The following GTF2H5 variants were observed in gnomAD, a reference collection of about 807,000 sequenced individuals.
GTF2H5 encodes the protein general transcription factor IIH subunit 5, also known as TFB5 ortholog.
A neutral mutation model predicts 7.1 loss-of-function variants in GTF2H5; 5 were observed. The observed-to-expected ratio is 0.71, with a 90% confidence interval of 0.37 to 1.49. GTF2H5 has a LOEUF of 1.49. Ranked by LOEUF, GTF2H5 falls within the 40% of genes most tolerant of loss-of-function variation. The pLI is 0.03. For synonymous variants in GTF2H5, 30 were observed against 31.7 expected (o/e 0.95, Z 0.18); for missense variants, 80 against 83.0 (o/e 0.96, Z 0.14).
rs1031494355 is a variant in GTF2H5, at chr6:158,199,272, A to T, written c.*7115A>T. 1 of 151,924 alleles carries T rather than the reference A, an allele frequency of 6.6e-6. No individual in the cohort carries two copies. Among genetic ancestry groups the T allele is most frequent in the South Asian group, 2.1e-4 (1 of 4,832 alleles). The allele number at this position is 151,924 out of a possible 1,614,324, so 9.4% of individuals were successfully genotyped here. A position where few individuals can be genotyped will look rare whatever the true frequency, so the allele number is the denominator to read the frequency against. On this transcript the variant is annotated 3_prime_UTR_variant, in exon 3 of 3. Transcript: ENST00000607778. ...TACAATAGAAGCCCAATCCCCACCTATACCCAATATATCCATGGGACAAGC... is the reference window on the plus strand; with the variant it reads ...TACAATAGAAGCCCAATCCCCACCTTTACCCAATATATCCATGGGACAAGC...
At chr6:158,185,572 T>C (rs866166816) in intron 2 of GTF2H5, among the ~76,000 whole-genome samples, 1 of 151,480 alleles carries the variant, frequency 6.6e-6, no homozygotes, top group African/African-American at 2.4e-5. Flanking sequence ...TTGAAGCGAT[T>C]GATATTAAAG....
chr6:158,187,082 C>T (rs1562475368), intron 2 of GTF2H5, among the ~76,000 whole-genome samples: 1 of 150,514 alleles, frequency 6.6e-6, no homozygotes, highest in Non-Finnish European at 1.5e-5. Context: ...ACACCCCTCA[C>T]CTCCTGGGTT....
chr6:158,171,552 C>T (rs1244325604), intron 2 of GTF2H5, among the ~76,000 whole-genome samples: 2 of 152,042 alleles, frequency 1.3e-5, no homozygotes, highest in Non-Finnish European at 2.9e-5. Flanking sequence ...TAGGGATGAG[C>T]GGCTGTGTTG....
chr6:158,192,332 C>A lies in GTF2H5; in HGVS notation c.*175C>A. ...AAAAGCCCCTGAACTGATTTTGTTACCATAGAATTTAAAAAAAAAAAAAGC... is the reference window on the plus strand; with the variant it reads ...AAAAGCCCCTGAACTGATTTTGTTAACATAGAATTTAAAAAAAAAAAAAGC... On this transcript the variant is annotated 3_prime_UTR_variant, in exon 3 of 3. Coordinates refer to ENST00000607778, the MANE Select transcript of GTF2H5 (RefSeq NM_207118.3). 5.3e-6 allele frequency: 3 copies of A among 563,436 alleles called. No homozygotes were observed. The highest frequency in any genetic ancestry group is 4.5e-5 in the South Asian group (2 of 44,322). The allele number at this position is 563,436 out of a possible 1,614,324, so 34.9% of individuals were successfully genotyped here. A position where few individuals can be genotyped will look rare whatever the true frequency, so the allele number is the denominator to read the frequency against.
chr6:158,185,412 C>T (rs147897904), intron 2 of GTF2H5, among the ~76,000 whole-genome samples: 2,481 of 151,832 alleles, frequency 0.016, 77 homozygotes, highest in African/African-American at 0.057. Context: ...TGGTGGCGTG[C>T]GCCTGTAGAC....
intron 2 of GTF2H5, among the ~76,000 whole-genome samples, chr6:158,173,951 T>C (rs1212423638): frequency 3.3e-5 from 5 of 152,032 alleles, no homozygotes; most frequent in Non-Finnish European, 5.9e-5. Context: ...CCATACGGGG[T>C]AACTTCTAGA....
intron 2 of GTF2H5, among the ~76,000 whole-genome samples, chr6:158,174,619 G>C (rs1246673469): frequency 6.6e-6 from 1 of 152,112 alleles, no homozygotes; most frequent in East Asian, 1.9e-4. Context: ...CCCAAATCTA[G>C]CCACCAAGCA....
intron 1 of GTF2H5, among the ~76,000 whole-genome samples, chr6:158,169,253 A>C (rs1004894158): frequency 1.1e-4 from 14 of 132,156 alleles, no homozygotes; most frequent in African/African-American, 2.8e-5. Flanking sequence ...ATATACATAT[A>C]TATATATTAT....
chr6:158,185,922 A>G (rs1776914954), intron 2 of GTF2H5, among the ~76,000 whole-genome samples: 1 of 152,164 alleles, frequency 6.6e-6, no homozygotes, highest in Non-Finnish European at 1.5e-5. Context: ...TGAGCCCAGG[A>G]GGTCAAGGCT....
chr6:158,175,044 G>GTGTGTGTGTATA lies in GTF2H5; in HGVS notation c.35+4507_35+4508insGTGTGTGTATAT. ...TGTGTGTGTGTGTGTGTGTGTGTGT[G>GTGTGTGTGTATA]TATACACACACACACACATACACAT... On this transcript the variant is annotated intron_variant, in intron 2 of 2. Transcript: ENST00000607778. Among the ~76,000 whole-genome samples the GTGTGTGTGTATA allele has an allele frequency of 2.1e-3, 294 of 142,842 alleles. 3 individuals carry two copies. The highest frequency in any genetic ancestry group is 4.7e-3 in the African/African-American group (178 of 37,598). 93.7% of individuals were successfully genotyped at this position (142,842 alleles called of 152,430 possible).
At position 158,169,495 on chromosome 6, in the gene GTF2H5, T is replaced by TTATATATAATATATTGTATATTA. The variant is rs369821163; in HGVS notation, c.-34-969_-34-968insTAATATATTGTATATTATATATA. 2.4e-4 allele frequency among the ~76,000 whole-genome samples: 13 copies of TTATATATAATATATTGTATATTA among 54,408 alleles called. 1 individual carries two copies. The highest frequency in any genetic ancestry group is 1.2e-3 in the African/African-American group (13 of 11,116). The allele number at this position is 54,408 out of a possible 152,430, so 35.7% of individuals were successfully genotyped here. ...TATATTATATATAATATATTGTATA[T>TTATATATAATATATTGTATATTA]TATATAATATATTGTATATTATATA... On this transcript the variant is annotated intron_variant, in intron 1 of 2. Coordinates refer to ENST00000607778, the MANE Select transcript of GTF2H5 (RefSeq NM_207118.3).
chr6:158,170,432 T>C lies in GTF2H5; in HGVS notation c.-34-38T>C, dbSNP rs555172641. ...GATCCCCAAAGTATATGAAAGTTAA[T>C]GATTTTTAATTTAATGTTACCTTAC... On this transcript the variant is annotated intron_variant, in intron 1 of 2. Transcript: ENST00000607778. The C allele has an allele frequency of 5.0e-5, 62 of 1,238,592 alleles. No individual in the cohort carries two copies. The African/African-American group carries it at 8.4e-4, about 17-fold the overall frequency. 76.7% of individuals were successfully genotyped at this position (1,238,592 alleles called of 1,614,324 possible).
Position 158,172,683 on chromosome 6 carries a change from C to T in GTF2H5, c.35+2145C>T, listed in dbSNP as rs559060306. ...ACCATTATTTCCTTTCTTAATGATG[C>T]TTGATGCCTCCTTAATCACATAATT... is the stretch of plus-strand genomic sequence containing the variant. On this transcript the variant is annotated intron_variant, in intron 2 of 2. Coordinates refer to ENST00000607778, the MANE Select transcript of GTF2H5 (RefSeq NM_207118.3). 1.4e-4 allele frequency among the ~76,000 whole-genome samples: 21 copies of T among 152,194 alleles called. 1 individual carries two copies. In the South Asian group the frequency reaches 3.3e-3, roughly 24 times the overall value.
chr6:158,172,793 T>A (rs187957424), intron 2 of GTF2H5, among the ~76,000 whole-genome samples: 3 of 152,316 alleles, frequency 2.0e-5, no homozygotes, highest in Admixed American at 2.0e-4. Context: ...AATAACTTAG[T>A]CTGTTTCCAA....
intron 2 of GTF2H5, among the ~76,000 whole-genome samples, chr6:158,186,324 CA>C (rs1776919806): frequency 1.3e-5 from 2 of 152,182 alleles, no homozygotes; most frequent in Non-Finnish European, 2.9e-5. Flanking sequence ...AGAAAATTCC[CA>C]AAGTCTTCAT....
chr6:158,184,263 T>G (rs1386544369), intron 2 of GTF2H5, among the ~76,000 whole-genome samples: 1 of 151,810 alleles, frequency 6.6e-6, no homozygotes, highest in Non-Finnish European at 1.5e-5. Context: ...AGGAAAAACA[T>G]GTGAAGGAGG....
intron 2 of GTF2H5, chr6:158,190,492 A>T (rs1777008567): frequency 1.0e-5 from 3 of 298,454 alleles, no homozygotes; most frequent in African/African-American, 2.2e-5. Context: ...TGCCACTCCC[A>T]GTCTTTTCTC....
At position 158,169,751 on chromosome 6, in the gene GTF2H5, A is replaced by T. The variant is rs367949982; in HGVS notation, c.-34-719A>T. Among the ~76,000 whole-genome samples the T allele has an allele frequency of 1.1e-4, 6 of 56,626 alleles. 1 individual carries two copies. Among genetic ancestry groups the T allele is most frequent in the East Asian group, 1.2e-3 (2 of 1,722 alleles). The allele number at this position is 56,626 out of a possible 152,430, so 37.1% of individuals were successfully genotyped here. On this transcript the variant is annotated intron_variant, in intron 1 of 2. Transcript: ENST00000607778. ...ATATATTGTATATTATATATTATAT[A>T]ATATATTGTATATTATATATAATAT...
intron 2 of GTF2H5, among the ~76,000 whole-genome samples, chr6:158,186,822 T>C (rs1460419996): frequency 6.6e-6 from 1 of 152,212 alleles, no homozygotes; most frequent in African/African-American, 2.4e-5. Flanking sequence ...AAGATTTTCT[T>C]ATTGGCAGTT....
Sources: gnomAD v4.1 joint callset for allele counts (sites outside exome capture counted in the v4.1 genomes callset) on GRCh38, gnomAD v4.1.1 for gene constraint, MANE v1.5 for transcripts, NCBI Gene and HGNC (gene_info 2026-07-23, HGNC 2026-07-21) for gene names.